GAB1: variants seen among roughly 807,000 people sequenced by gnomAD.
The protein encoded by GAB1 is GRB2 associated binding protein 1, also known as GRB2-associated-binding protein 1.
Under a neutral mutation model 66.5 loss-of-function variants are expected in GAB1, and 19 were observed. The observed-to-expected ratio is 0.29, with a 90% CI of 0.20 to 0.42. GAB1 has a LOEUF of 0.42. Ranked by LOEUF, GAB1 falls within the 10% of genes least tolerant of loss-of-function variation. GAB1 has a pLI of 1.00. For synonymous variants in GAB1, 294 were observed against 301.4 expected (o/e 0.98, Z 0.25); for missense variants, 732 against 858.5 (o/e 0.85, Z 1.84).
chr4:143,458,404 G>A (rs1735311091), intron 6 of GAB1, among the ~76,000 whole-genome samples: 1 of 151,944 alleles, frequency 6.6e-6, no homozygotes, highest in Non-Finnish European at 1.5e-5. Flanking sequence ...TAGTGTAATG[G>A]TAACTATGCC....
chr4:143,346,194 C>T (rs140995005), intron 1 of GAB1, among the ~76,000 whole-genome samples: 31 of 152,304 alleles, frequency 2.0e-4, no homozygotes, highest in African/African-American at 6.5e-4. Flanking sequence ...CATTCTTTCA[C>T]GAAACTTTTC....
intron 1 of GAB1, among the ~76,000 whole-genome samples, chr4:143,379,893 G>A (rs1364427904): frequency 6.6e-6 from 1 of 151,514 alleles, no homozygotes; most frequent in Non-Finnish European, 1.5e-5. Flanking sequence ...CCAGTAATAT[G>A]TATTAAGTAA....
chr4:143,413,851 G>T (rs1415369511), intron 1 of GAB1, among the ~76,000 whole-genome samples: 1 of 86,340 alleles, frequency 1.2e-5, no homozygotes, highest in African/African-American at 1.0e-4. Flanking sequence ...TTTTTTTTGA[G>T]GAGGAGTCTT....
intron 1 of GAB1, among the ~76,000 whole-genome samples, chr4:143,364,916 C>T (rs1395567476): frequency 3.2e-5 from 4 of 123,454 alleles, no homozygotes; most frequent in Non-Finnish European, 1.6e-5. Flanking sequence ...CTCACTCTGT[C>T]ACCCAGGCTG....
chr4:143,439,683 C>CTG, intron 4 of GAB1, 119 bp from the exon 5 acceptor site: 1 of 662,908 alleles, frequency 1.5e-6, no homozygotes, highest in Non-Finnish European at 2.7e-6. Flanking sequence ...TTTTAAAATT[C>CTG]TGTGTGTGTG....
intron 1 of GAB1, among the ~76,000 whole-genome samples, chr4:143,393,747 C>CA (rs973050809): frequency 2.0e-4 from 31 of 151,398 alleles, no homozygotes; most frequent in African/African-American, 5.8e-4. Flanking sequence ...CTGCTTTACC[C>CA]AAAAAAGAAA....
chr4:143,398,004 C>T (rs1034929086), intron 1 of GAB1, among the ~76,000 whole-genome samples: 10 of 152,160 alleles, frequency 6.6e-5, no homozygotes, highest in South Asian at 4.2e-4. Context: ...TCCCATCTTC[C>T]GTAGCATTCA....
rs1414822345 is a variant in GAB1, at chr4:143,471,057, C to T, written c.*1868C>T. On this transcript the variant is annotated 3_prime_UTR_variant, in exon 10 of 10. Coordinates refer to ENST00000262994, the MANE Select transcript of GAB1 (RefSeq NM_002039.4). ...GAAATGTGCCTAAACTATCAAAACA[C>T]ACGATACAGCTAATGTGTAAAGATG... The T allele has an allele frequency of 6.6e-6, 1 of 152,140 alleles. No homozygotes were observed. Among genetic ancestry groups the T allele is most frequent in the Non-Finnish European group, 1.5e-5 (1 of 68,012 alleles). The allele number at this position is 152,140 out of a possible 1,614,324, so 9.4% of individuals were successfully genotyped here. A position where few individuals can be genotyped will look rare whatever the true frequency, so the allele number is the denominator to read the frequency against.
intron 1 of GAB1, among the ~76,000 whole-genome samples, chr4:143,388,797 G>GA (rs952115398): frequency 1.3e-4 from 19 of 151,104 alleles, no homozygotes; most frequent in East Asian, 3.9e-4. Flanking sequence ...TAGCAGAAAA[G>GA]AAAAAAAAAT....
chr4:143,338,366 C>T (rs1038237423), intron 1 of GAB1, among the ~76,000 whole-genome samples: 3 of 152,152 alleles, frequency 2.0e-5, no homozygotes, highest in Non-Finnish European at 2.9e-5. Context: ...ACCCGTTTGT[C>T]GTTGAGGAAT....
At chr4:143,456,192 T>TC (rs1735176785) in intron 6 of GAB1, among the ~76,000 whole-genome samples, 1 of 152,218 alleles carries the variant, frequency 6.6e-6, no homozygotes, top group South Asian at 2.1e-4. Flanking sequence ...GCGCGGTGGC[T>TC]TACGCCTGTA....
At chr4:143,409,746 T>C (rs1367496439) in intron 1 of GAB1, among the ~76,000 whole-genome samples, 2 of 152,090 alleles carry the variant, frequency 1.3e-5, no homozygotes, top group African/African-American at 4.8e-5. Flanking sequence ...TTGAAAGATA[T>C]TTGCTAGTGG....
intron 1 of GAB1, among the ~76,000 whole-genome samples, chr4:143,347,748 G>T (rs1399252510): frequency 6.6e-6 from 1 of 152,238 alleles, no homozygotes; most frequent in African/African-American, 2.4e-5. Flanking sequence ...CAGCAGAGAG[G>T]TTAATTCAGG....
intron 1 of GAB1, among the ~76,000 whole-genome samples, chr4:143,363,776 T>A (rs1389057706): frequency 6.6e-6 from 1 of 152,220 alleles, no homozygotes; most frequent in East Asian, 1.9e-4. Flanking sequence ...TGTTTTTTAA[T>A]GCTGCCTTTG....
At chr4:143,418,313 G>A (rs185769616) in intron 2 of GAB1, among the ~76,000 whole-genome samples, 63 of 152,300 alleles carry the variant, frequency 4.1e-4, no homozygotes, top group Non-Finnish European at 2.1e-4. Flanking sequence ...GGGCATGGGG[G>A]TGCTACTTCT....
chr4:143,448,935 A>G (rs1432424188), intron 6 of GAB1, among the ~76,000 whole-genome samples: 2 of 151,976 alleles, frequency 1.3e-5, no homozygotes, highest in Non-Finnish European at 2.9e-5. Context: ...TTAGTGCTAT[A>G]AATTTCCCTC....
intron 1 of GAB1, among the ~76,000 whole-genome samples, chr4:143,388,343 A>C (rs188570776): frequency 6.6e-6 from 1 of 152,276 alleles, no homozygotes; most frequent in Non-Finnish European, 1.5e-5. Flanking sequence ...AAACAGTGCT[A>C]CCTACAATTT....
intron 1 of GAB1, among the ~76,000 whole-genome samples, chr4:143,369,405 T>C (rs769001214): frequency 5.3e-5 from 8 of 152,206 alleles, no homozygotes. Flanking sequence ...CCAAGCACTT[T>C]AATTCATTTA....
At chr4:143,339,342 C>A (rs1484832253) in intron 1 of GAB1, among the ~76,000 whole-genome samples, 3 of 152,220 alleles carry the variant, frequency 2.0e-5, no homozygotes, top group Non-Finnish European at 2.9e-5. Flanking sequence ...GAAACTCTGT[C>A]TCTACTAAAA....
Sources: gnomAD v4.1 joint callset for allele counts (sites outside exome capture counted in the v4.1 genomes callset) on GRCh38, gnomAD v4.1.1 for gene constraint, MANE v1.5 for transcripts, NCBI Gene and HGNC (gene_info 2026-07-23, HGNC 2026-07-21) for gene names.